Variants in TFAP2A observed in about 807,000 individuals in gnomAD.
The protein encoded by TFAP2A is transcription factor AP-2-alpha.
Under a neutral mutation model 41.5 loss-of-function variants are expected in TFAP2A, and 7 were observed. The observed-to-expected ratio is 0.17, with a 90% CI of 0.10 to 0.32. The LOEUF (loss-of-function observed/expected upper bound fraction) is 0.32. Ranked by LOEUF, TFAP2A falls within the 10% of genes least tolerant of loss-of-function variation. The probability of loss-of-function intolerance (pLI) is 1.00; values close to 1 mark genes in which losing one functional copy is unlikely to be tolerated. For missense variants in TFAP2A, 416 were observed against 563.3 expected, an observed-to-expected ratio of 0.74 and a Z score of 2.65; for synonymous variants, 247 against 242.8, an observed-to-expected ratio of 1.02 and a Z score of -0.16.
Position 10,398,840 on chromosome 6 carries a change from G to A in TFAP2A, c.1032-135C>T. ...GTACCTGACATGACCCAAGACCCCAGAGACAGACAGTGTGGCCACATGTTG... is the reference window on the plus strand; with the variant it reads ...GTACCTGACATGACCCAAGACCCCAAAGACAGACAGTGTGGCCACATGTTG... On this transcript the variant is annotated intron_variant, in intron 6 of 6. Coordinates refer to ENST00000379613, the MANE Select transcript of TFAP2A (RefSeq NM_001372066.1). This position sits in a 1 kb window ranked among gnomAD's most constrained non-coding sequence, Gnocchi z 5.3. 1.0e-6 allele frequency: 1 copy of A among 1,004,430 alleles called. No homozygotes were observed. The allele number at this position is 1,004,430 out of a possible 1,614,324, so 62.2% of individuals were successfully genotyped here.
Position 10,398,078 on chromosome 6 carries a change from T to C in TFAP2A, c.*339A>G. On this transcript the variant is annotated 3_prime_UTR_variant, in exon 7 of 7. Transcript: ENST00000379613. The surrounding 1 kb of genome is among the most constrained non-coding windows in gnomAD (Gnocchi z 5.3). Reference sequence around the variant, plus strand: ...TTGTTGCTGTTGTTGATTTGTTGTTTTGTTTAAAAAAAAAAGGGTTCACAA... The same window carrying C: ...TTGTTGCTGTTGTTGATTTGTTGTTCTGTTTAAAAAAAAAAGGGTTCACAA... 1.7e-6 allele frequency: 2 copies of C among 1,174,798 alleles called. No homozygotes were observed. Among genetic ancestry groups the C allele is most frequent in the Non-Finnish European group, 2.1e-6 (2 of 956,076 alleles). 72.8% of individuals were successfully genotyped at this position (1,174,798 alleles called of 1,614,324 possible).
chr6:10,396,910 T>TCA lies in TFAP2A; in HGVS notation c.*1505_*1506dup, dbSNP rs1761785424. ...ATTATACTTGAGGGAAACAATGGGT[T>TCA]CAGCTGCTTATTGCAAGGAGCAATT... On this transcript the variant is annotated 3_prime_UTR_variant, in exon 7 of 7. Transcript: ENST00000379613. 6.6e-6 allele frequency: 1 copy of TCA among 152,608 alleles called. No individual in the cohort carries two copies. The highest frequency in any genetic ancestry group is 1.5e-5 in the Non-Finnish European group (1 of 68,044). 9.5% of individuals were successfully genotyped at this position (152,608 alleles called of 1,614,324 possible).
chr6:10,412,678 G>A, intron 1 of TFAP2A: 1 of 343,712 alleles, frequency 2.9e-6, no homozygotes, highest in South Asian at 2.0e-5. Flanking sequence ...GGGGCTCTCG[G>A]CGCGGCAGGC....
At position 10,410,347 on chromosome 6, in the gene TFAP2A, C is replaced by T; in HGVS notation, c.52-12G>A. ...CCGTCGTGACGGTCCTAGAAGAGAG[C>T]GAGAGGAAAGGTAAAGAACAAGGAA... is the stretch of plus-strand genomic sequence containing the variant. On this transcript the variant is annotated splice_polypyrimidine_tract_variant and intron_variant, in intron 1 of 6. Transcript: ENST00000379613. 1 of 1,604,574 alleles carries T rather than the reference C, an allele frequency of 6.2e-7. No homozygotes were observed. Among genetic ancestry groups the T allele is most frequent in the Non-Finnish European group, 8.5e-7 (1 of 1,176,174 alleles).
intron 4 of TFAP2A, 75 bp downstream of exon 4, chr6:10,404,433 C>T: frequency 8.7e-7 from 1 of 1,150,642 alleles, no homozygotes; most frequent in Admixed American, 4.2e-5. Context: ...TTTGCGTCGC[C>T]GCCACCGCCC....
chr6:10,413,596 T>A (rs978166633), intron 1 of TFAP2A, among the ~76,000 whole-genome samples: 3 of 152,222 alleles, frequency 2.0e-5, no homozygotes, highest in African/African-American at 7.2e-5. Flanking sequence ...TGGTCTGACG[T>A]GGGGTCCCTG....
At chr6:10,412,692 T>C (rs1758046975) in intron 1 of TFAP2A, 1 of 342,536 alleles carries the variant, frequency 2.9e-6, no homozygotes. Flanking sequence ...GGCAGGCGCT[T>C]CCCGGCCCTG....
intron 1 of TFAP2A, chr6:10,412,278 T>G: frequency 1.0e-6 from 1 of 985,252 alleles, no homozygotes; most frequent in Non-Finnish European, 1.2e-6. Flanking sequence ...GGGCAACATT[T>G]TAAAAGGTTG....
intron 1 of TFAP2A, chr6:10,412,475 G>GAGGGAGGA (rs1375099139): frequency 1.9e-4 from 27 of 141,826 alleles, no homozygotes; most frequent in African/African-American, 7.6e-4. Context: ...GGGAAAGAGG[G>GAGGGAGGA]AGGGAGGAAG....
Position 10,414,847 on chromosome 6 carries a change from G to A in TFAP2A, c.51+94C>T. 2.6e-6 allele frequency: 4 copies of A among 1,557,026 alleles called. 1 individual carries two copies. The highest frequency in any genetic ancestry group is 3.5e-6 in the Non-Finnish European group (4 of 1,128,512). On this transcript the variant is annotated intron_variant, in intron 1 of 6. Coordinates refer to ENST00000379613, the MANE Select transcript of TFAP2A (RefSeq NM_001372066.1). Reference sequence around the variant, plus strand: ...GCTGGGGAAAGTTTGTCCCACCCGCGTTTCGCAGCTGGTTGCAAGGAGAGG... The same window carrying A: ...GCTGGGGAAAGTTTGTCCCACCCGCATTTCGCAGCTGGTTGCAAGGAGAGG...
chr6:10,398,567 G>A lies in TFAP2A; in HGVS notation c.1170C>T (p.Ser390=). ...CCGTGACCGCGGCACACACCGCGGG[G>A]CTGCCGAAGCCGTGGGAGATGAGGT... ...HFNLISHGFG[S]PAVCAAVTAL... Residue 390 remains serine (S), a synonymous_variant, in exon 7 of 7, where the codon AGC becomes AGT. Coordinates refer to ENST00000379613, the MANE Select transcript of TFAP2A (RefSeq NM_001372066.1). The surrounding 1 kb of genome is among the most constrained non-coding windows in gnomAD (Gnocchi z 5.3). 1 of 1,614,236 alleles carries A rather than the reference G, an allele frequency of 6.2e-7. No individual in the cohort carries two copies.
chr6:10,419,370 A>AACC, upstream of TFAP2A: 1 of 1,579,994 alleles, frequency 6.3e-7, no homozygotes, highest in Non-Finnish European at 8.6e-7. Flanking sequence ...CCCCTCCCCT[A>AACC]CTCCACCCCT....
intron 3 of TFAP2A, chr6:10,406,548 T>C: frequency 1.8e-6 from 1 of 554,162 alleles, no homozygotes; most frequent in East Asian, 3.0e-5. Flanking sequence ...ATTTTGTGTG[T>C]TTGTCCAAAT....
rs1757896570 is a variant in TFAP2A, at chr6:10,410,186, G to A, written c.201C>T (p.Ile67=). 7.2e-7 allele frequency: 1 copy of A among 1,390,064 alleles called. No individual in the cohort carries two copies. Among genetic ancestry groups the A allele is most frequent in the African/African-American group, 1.5e-5 (1 of 65,764 alleles). 86.1% of individuals were successfully genotyped at this position (1,390,064 alleles called of 1,614,324 possible). A position where few individuals can be genotyped will look rare whatever the true frequency, so the allele number is the denominator to read the frequency against. ...PPYFPPPYQP[I]YPQSQDPYSH... is the part of the protein sequence containing the mutation. ...AGTAAGGATCTTGCGACTGGGGGTA[G>A]ATAGGCTGGTAGGGTGGGGGGAAGT... is the stretch of plus-strand genomic sequence containing the variant. Residue 67 remains isoleucine, a synonymous_variant, in exon 2 of 7, where the codon ATC becomes ATT. Transcript: ENST00000379613.
chr6:10,407,220 T>A (rs1185720412), intron 2 of TFAP2A: 1 of 279,324 alleles, frequency 3.6e-6, no homozygotes, highest in Non-Finnish European at 6.9e-6. Flanking sequence ...ACTTTAGCAA[T>A]TCCAGTGTTC....
At chr6:10,417,969 C>T (rs1364442100), upstream of TFAP2A, among the ~76,000 whole-genome samples, 1 of 152,234 alleles carries the variant, frequency 6.6e-6, no homozygotes, top group Non-Finnish European at 1.5e-5. Flanking sequence ...CAGCGAAATT[C>T]ACTGGAATTT....
chr6:10,410,390 A>T, intron 1 of TFAP2A, 55 bp from the exon 2 acceptor site: 15 of 1,520,844 alleles, frequency 9.9e-6, no homozygotes, highest in Non-Finnish European at 1.3e-5. Context: ...TCGAGCTACA[A>T]CTATCCACAC....
At chr6:10,411,305 G>A (rs1213050903) in intron 1 of TFAP2A, among the ~76,000 whole-genome samples, 1 of 152,128 alleles carries the variant, frequency 6.6e-6, no homozygotes, top group Non-Finnish European at 1.5e-5. Flanking sequence ...TGAACGTGGG[G>A]AGAAACACGC....
At position 10,414,997 on chromosome 6, in the gene TFAP2A, G is replaced by A; in HGVS notation, c.-6C>T. ...AATTTCCAAAGCATTTTCATGGATC[G>A]GCGTGAACGGATATGCCCCTCTCGG... On this transcript the variant is annotated 5_prime_UTR_variant, in exon 1 of 7. Transcript: ENST00000379613. 1.2e-6 allele frequency: 2 copies of A among 1,614,106 alleles called. No individual in the cohort carries two copies. The highest frequency in any genetic ancestry group is 1.7e-6 in the Non-Finnish European group (2 of 1,180,032).
Sources: gnomAD v4.1 joint callset for allele counts (sites outside exome capture counted in the v4.1 genomes callset) on GRCh38, gnomAD v4.1.1 for gene constraint, Gnocchi (gnomAD v3.1) non-coding constraint, MANE v1.5 for transcripts, NCBI Gene and HGNC (gene_info 2026-07-23, HGNC 2026-07-21) for gene names.